SPAG16: variants seen among roughly 807,000 people sequenced by gnomAD.
The protein encoded by SPAG16 is sperm associated antigen 16.
Under a neutral mutation model 80.4 loss-of-function variants are expected in SPAG16, and 86 were observed. The observed-to-expected ratio is 1.07, with a 90% CI of 0.90 to 1.28. The LOEUF (loss-of-function observed/expected upper bound fraction) is 1.28, where lower values mean the gene tolerates loss of function less well. Ranked by LOEUF, SPAG16 falls within the 50% of genes most tolerant of loss-of-function variation. SPAG16 has a pLI of 0.00. For synonymous variants in SPAG16, 294 were observed against 265.9 expected, an observed-to-expected ratio of 1.11 and a Z score of -1.03; for missense variants, 870 against 765.3, an observed-to-expected ratio of 1.14 and a Z score of -1.61.
At chr2:214,345,223 C>T (rs542610646) in intron 15 of SPAG16, among the ~76,000 whole-genome samples, 2 of 151,958 alleles carry the variant, frequency 1.3e-5, no homozygotes, top group Non-Finnish European at 2.9e-5. Flanking sequence ...ATTTTGACAG[C>T]TTTTTGCAAA....
chr2:214,330,277 CAA>C (rs575894776), intron 15 of SPAG16, among the ~76,000 whole-genome samples: 16 of 105,148 alleles, frequency 1.5e-4, no homozygotes, highest in Admixed American at 4.1e-4. Flanking sequence ...AACTCTGTCT[CAA>C]AAAAAAAAAA....
At chr2:214,395,047 T>G (rs1277730012) in intron 15 of SPAG16, among the ~76,000 whole-genome samples, 1 of 152,226 alleles carries the variant, frequency 6.6e-6, no homozygotes, top group Non-Finnish European at 1.5e-5. Context: ...GTTAGCTCAT[T>G]TCTTTTTATC....
chr2:214,193,349 G>A (rs2057720378), intron 15 of SPAG16, among the ~76,000 whole-genome samples: 1 of 150,832 alleles, frequency 6.6e-6, no homozygotes, highest in Admixed American at 6.6e-5. Context: ...AAAATTTTAA[G>A]AGCTTTTGCT....
rs113586466 is a variant in SPAG16 at position 213,528,578 on chromosome 2, G to A, written c.1070+38488G>A. ...AAATTATACGTGTAAAACCAGAAGT[G>A]ACTTGTTACTTCCCTACTGAAGATA... is the stretch of plus-strand genomic sequence containing the variant. On this transcript the variant is annotated intron_variant, in intron 10 of 15. Coordinates refer to ENST00000331683, the MANE Select transcript of SPAG16 (RefSeq NM_024532.5). Among the ~76,000 whole-genome samples, 120 of 152,160 alleles carry A rather than the reference G, an allele frequency of 7.9e-4. 2 individuals carry two copies. Among genetic ancestry groups the A allele is most frequent in the Middle Eastern group, 3.4e-3 (1 of 294 alleles).
chr2:213,505,815 C>A (rs2074945431), intron 10 of SPAG16, among the ~76,000 whole-genome samples: 1 of 152,106 alleles, frequency 6.6e-6, no homozygotes, highest in South Asian at 2.1e-4. Context: ...CAGTCAGGAT[C>A]ATATAAAGAC....
Position 213,473,845 on chromosome 2 carries a change from C to T in SPAG16, c.943-16118C>T, listed in dbSNP as rs572823045. Among the ~76,000 whole-genome samples the T allele has an allele frequency of 3.9e-5, 6 of 152,268 alleles. No individual in the cohort carries two copies. In the South Asian group the frequency reaches 6.2e-4, roughly 16 times the overall value. Reference sequence around the variant, plus strand: ...TATTTTCGAGTGTAGTACACCTCCTCGTGGTCACACTCTCAACCTCATCTC... The same window carrying T: ...TATTTTCGAGTGTAGTACACCTCCTTGTGGTCACACTCTCAACCTCATCTC... On this transcript the variant is annotated intron_variant, in intron 9 of 15. Coordinates refer to ENST00000331683, the MANE Select transcript of SPAG16 (RefSeq NM_024532.5).
intron 9 of SPAG16, among the ~76,000 whole-genome samples, chr2:213,452,836 G>A (rs1456721784): frequency 1.3e-5 from 2 of 152,078 alleles, no homozygotes; most frequent in Non-Finnish European, 2.9e-5. Context: ...TTTGAAAGAT[G>A]GGCTATTGTA....
At chr2:213,626,375 A>G (rs992609082) in intron 10 of SPAG16, among the ~76,000 whole-genome samples, 5 of 152,120 alleles carry the variant, frequency 3.3e-5, no homozygotes, top group African/African-American at 9.6e-5. Context: ...TTTTTAGGGG[A>G]AAAAAATAGC....
intron 9 of SPAG16, among the ~76,000 whole-genome samples, chr2:213,445,589 C>T (rs1349146789): frequency 6.6e-6 from 1 of 152,016 alleles, no homozygotes; most frequent in African/African-American, 2.4e-5. Flanking sequence ...TAGCTTGAAC[C>T]CGAGAGGTGG....
chr2:214,133,111 A>T (rs148505693), intron 14 of SPAG16, among the ~76,000 whole-genome samples: 137,636 of 146,684 alleles, frequency 0.94, 64,756 homozygotes, highest in Non-Finnish European at 0.97. Context: ...TAAAATAAAA[A>T]AAATAAATAA....
At chr2:213,686,469 T>A (rs1032480321) in intron 10 of SPAG16, among the ~76,000 whole-genome samples, 2 of 152,124 alleles carry the variant, frequency 1.3e-5, no homozygotes, top group African/African-American at 4.8e-5. Context: ...TATATTGTCA[T>A]CCCAGTTTTT....
intron 15 of SPAG16, among the ~76,000 whole-genome samples, chr2:214,366,427 C>G (rs1699486166): frequency 6.6e-6 from 1 of 152,148 alleles, no homozygotes; most frequent in South Asian, 2.1e-4. Flanking sequence ...AAGCATTACT[C>G]AGACTAGAAA....
At chr2:214,008,068 A>G (rs2047109257) in intron 12 of SPAG16, among the ~76,000 whole-genome samples, 1 of 151,950 alleles carries the variant, frequency 6.6e-6, no homozygotes, top group Non-Finnish European at 1.5e-5. Flanking sequence ...TGGTTTTTCA[A>G]TATTTTTTCT....
At chr2:213,753,060 T>G (rs1404909862) in intron 10 of SPAG16, among the ~76,000 whole-genome samples, 1 of 152,252 alleles carries the variant, frequency 6.6e-6, no homozygotes, top group East Asian at 1.9e-4. Flanking sequence ...TCACCCAGGC[T>G]GGAGTGCAGT....
chr2:214,238,280 G>C, intron 15 of SPAG16: 1 of 289,984 alleles, frequency 3.4e-6, no homozygotes, highest in Non-Finnish European at 6.8e-6. Context: ...TTTTCCATCT[G>C]CTTGAGTTAG....
chr2:213,478,846 A>T (rs890373795), intron 9 of SPAG16, among the ~76,000 whole-genome samples: 1 of 152,166 alleles, frequency 6.6e-6, no homozygotes, highest in African/African-American at 2.4e-5. Context: ...ACTCTTAAGA[A>T]TCTTCAATTT....
chr2:213,404,250 G>A (rs10198311), intron 9 of SPAG16, among the ~76,000 whole-genome samples: 1 of 151,996 alleles, frequency 6.6e-6, no homozygotes, highest in Non-Finnish European at 1.5e-5. Context: ...GCATTGCCAA[G>A]TCAATCCTAA....
intron 13 of SPAG16, among the ~76,000 whole-genome samples, chr2:214,095,309 C>G (rs528304514): frequency 1.3e-5 from 2 of 151,898 alleles, no homozygotes; most frequent in African/African-American, 4.8e-5. Flanking sequence ...ACACAGAAAC[C>G]CCCCCAGAAA....
chr2:213,859,211 AAAAAAC>A lies in SPAG16; in HGVS notation c.1071-3273_1071-3268del, dbSNP rs1424425348. 3.3e-3 allele frequency among the ~76,000 whole-genome samples: 375 copies of A among 113,578 alleles called. 51 individuals carry two copies. The highest frequency in any genetic ancestry group is 0.015 in the Admixed American group (138 of 9,310). The allele number at this position is 113,578 out of a possible 152,430, so 74.5% of individuals were successfully genotyped here. On this transcript the variant is annotated intron_variant, in intron 10 of 15. Coordinates refer to ENST00000331683, the MANE Select transcript of SPAG16 (RefSeq NM_024532.5). ...AAAAAAAAAAAAAAAAAAAAAAAAA[AAAAAAC>A]TCAATGTCCTCTGACAACTTGATGT...
Sources: allele counts gnomAD v4.1 joint callset (sites outside exome capture counted in the v4.1 genomes callset), GRCh38; gene constraint gnomAD v4.1.1; transcripts MANE v1.5; gene names NCBI Gene and HGNC (gene_info 2026-07-23, HGNC 2026-07-21).